RANBP2: variants seen among roughly 807,000 people sequenced by gnomAD.
RANBP2 encodes E3 SUMO-protein ligase RanBP2.
Under a neutral mutation model 303.6 loss-of-function variants are expected in RANBP2, and 57 were observed. That is an observed-to-expected ratio of 0.19 (90% confidence interval 0.15 to 0.23). The LOEUF (loss-of-function observed/expected upper bound fraction) is 0.23. RANBP2 is among the 10% of genes least tolerant of loss of function. The probability of loss-of-function intolerance (pLI) is 1.00; values close to 1 mark genes in which losing one functional copy is unlikely to be tolerated. For missense variants in RANBP2, 3,138 were observed against 3,780.8 expected, an observed-to-expected ratio of 0.83 and a Z score of 4.46; for synonymous variants, 1,167 against 1,301.5, an observed-to-expected ratio of 0.90 and a Z score of 2.23.
At chr2:108,758,989 C>T (rs2149256448) in intron 18 of RANBP2, among the ~76,000 whole-genome samples, 1 of 148,608 alleles carries the variant, frequency 6.7e-6, no homozygotes, top group East Asian at 1.9e-4. Context: ...GGAGTTTGGA[C>T]CTGAATCATA....
chr2:109,347,784 TG>T, the RANBP2 span: 1 of 1,613,978 alleles, frequency 6.2e-7, no homozygotes, highest in Non-Finnish European at 8.5e-7. Flanking sequence ...GCAAGGTGGA[TG>T]AACAGTGGTA....
chr2:109,019,666 G>A, the RANBP2 span, among the ~76,000 whole-genome samples: 4 of 152,142 alleles, frequency 2.6e-5, no homozygotes, highest in African/African-American at 9.7e-5. Flanking sequence ...TTTTTGGCTC[G>A]CTGATTTTTG....
At chr2:108,735,814 A>G (rs547735854) in intron 5 of RANBP2, 52 bp downstream of exon 5, 3 of 1,597,580 alleles carry the variant, frequency 1.9e-6, no homozygotes, top group East Asian at 4.5e-5. Flanking sequence ...ATTAGCATAC[A>G]TCTTTTTGTA....
the RANBP2 span, among the ~76,000 whole-genome samples, chr2:109,061,948 G>A: frequency 3.3e-5 from 5 of 152,210 alleles, no homozygotes; most frequent in African/African-American, 1.2e-4. Flanking sequence ...TGGATGTCTT[G>A]TCCCTGAGCC....
the RANBP2 span, among the ~76,000 whole-genome samples, chr2:109,536,963 C>T: frequency 1.3e-5 from 2 of 152,224 alleles, no homozygotes; most frequent in Non-Finnish European, 2.9e-5. Context: ...TCCCCAGCCA[C>T]ATGGAACTGT....
Position 108,749,294 on chromosome 2 carries a change from T to TTTG in RANBP2, c.1273+180_1273+182dup, listed in dbSNP as rs754909609. ...GGTGCTGTGGGGGTGGCATGTATTT[T>TTTG]TTGTTGTTGTTGTTGTTTTTAAGAC... On this transcript the variant is annotated intron_variant, in intron 9 of 28. Coordinates refer to ENST00000283195, the MANE Select transcript of RANBP2 (RefSeq NM_006267.5). 6.6e-5 allele frequency among the ~76,000 whole-genome samples: 10 copies of TTTG among 152,044 alleles called. No individual in the cohort carries two copies. The South Asian group carries it at 1.0e-3, about 16-fold the overall frequency.
chr2:108,808,436 C>A, the RANBP2 span, among the ~76,000 whole-genome samples: 1 of 152,078 alleles, frequency 6.6e-6, no homozygotes, highest in South Asian at 2.1e-4. Flanking sequence ...AACCTGAATA[C>A]TTGTGTTTTT....
chr2:109,513,976 G>A, the RANBP2 span, among the ~76,000 whole-genome samples: 1 of 152,178 alleles, frequency 6.6e-6, no homozygotes, highest in Non-Finnish European at 1.5e-5. Flanking sequence ...TCCTGGGCCT[G>A]GGGGCCTTCT....
the RANBP2 span, among the ~76,000 whole-genome samples, chr2:109,336,618 T>G: frequency 6.6e-6 from 1 of 152,238 alleles, no homozygotes; most frequent in Admixed American, 6.5e-5. Flanking sequence ...AAATGCTCTT[T>G]GCAGCAAACC....
At chr2:109,352,974 C>T in the RANBP2 span, among the ~76,000 whole-genome samples, 1 of 152,274 alleles carries the variant, frequency 6.6e-6, no homozygotes, top group Non-Finnish European at 1.5e-5. Context: ...GAGCTCCTCT[C>T]CATGGGCACG....
the RANBP2 span, among the ~76,000 whole-genome samples, chr2:109,120,703 T>C: frequency 6.5e-5 from 8 of 123,340 alleles, no homozygotes; most frequent in African/African-American, 1.9e-4. Flanking sequence ...AGCCTCTAGG[T>C]GAAGGGTTGA....
At chr2:109,266,002 T>C in the RANBP2 span, among the ~76,000 whole-genome samples, 1 of 152,162 alleles carries the variant, frequency 6.6e-6, no homozygotes, top group Admixed American at 6.5e-5. Context: ...ATGTGTGTCA[T>C]GTGCATGTGT....
chr2:108,762,977 T>G (rs1045752892), intron 19 of RANBP2, among the ~76,000 whole-genome samples: 15 of 152,332 alleles, frequency 9.8e-5, no homozygotes, highest in East Asian at 5.8e-4. Context: ...AACCTACTTA[T>G]GCCTAGTGCT....
At chr2:108,974,088 G>C in the RANBP2 span, among the ~76,000 whole-genome samples, 8 of 152,148 alleles carry the variant, frequency 5.3e-5, no homozygotes, top group African/African-American at 1.7e-4. Flanking sequence ...CCAGCACTTT[G>C]GGAGGCCGAG....
the RANBP2 span, among the ~76,000 whole-genome samples, chr2:109,123,263 C>G: frequency 2.6e-5 from 4 of 152,282 alleles, no homozygotes; most frequent in East Asian, 7.7e-4. Flanking sequence ...CTCTTTTGCT[C>G]TTTCCCAAGC....
At chr2:109,069,541 A>G in the RANBP2 span, among the ~76,000 whole-genome samples, 1 of 152,240 alleles carries the variant, frequency 6.6e-6, no homozygotes, top group Non-Finnish European at 1.5e-5. Flanking sequence ...GCCTTTGGCT[A>G]AAGATTTGCA....
the RANBP2 span, among the ~76,000 whole-genome samples, chr2:109,656,907 A>G: frequency 6.6e-6 from 1 of 152,214 alleles, no homozygotes; most frequent in Non-Finnish European, 1.5e-5. Context: ...TAGAAAAAGT[A>G]GGGCGGTTCA....
At chr2:108,956,106 ATTGTC>A in the RANBP2 span, among the ~76,000 whole-genome samples, 1 of 152,198 alleles carries the variant, frequency 6.6e-6, no homozygotes, top group South Asian at 2.1e-4. Flanking sequence ...TTCATTCCCT[ATTGTC>A]TTAATTATTC....
chr2:108,834,736 C>T, the RANBP2 span, among the ~76,000 whole-genome samples: 3 of 152,296 alleles, frequency 2.0e-5, no homozygotes, highest in East Asian at 5.8e-4. Context: ...ATTCTGTACC[C>T]GTTTAACAAT....
Sources: allele counts gnomAD v4.1 joint callset (sites outside exome capture counted in the v4.1 genomes callset), GRCh38; gene constraint gnomAD v4.1.1; transcripts MANE v1.5; gene names NCBI Gene and HGNC (gene_info 2026-07-23, HGNC 2026-07-21).